The following FRMD4A variants were observed in gnomAD, a reference collection of about 807,000 sequenced individuals.
The protein encoded by FRMD4A is FERM domain containing 4A, also known as FERM domain-containing protein 4A.
FRMD4A carries 29 observed loss-of-function variants against 129.1 expected under a neutral mutation model. The ratio of observed to expected loss-of-function variants is 0.22; its 90% CI spans 0.17 to 0.31. The LOEUF (loss-of-function observed/expected upper bound fraction) is 0.31, where lower values mean the gene tolerates loss of function less well. Ranked by LOEUF, FRMD4A falls within the 10% of genes least tolerant of loss-of-function variation. The pLI, the probability that FRMD4A is intolerant of heterozygous loss-of-function variation, is 1.00. For missense variants in FRMD4A, 1,272 were observed against 1,375.8 expected, an observed-to-expected ratio of 0.92 and a Z score of 1.19; for synonymous variants, 634 against 571.6, an observed-to-expected ratio of 1.11 and a Z score of -1.56.
intron 14 of FRMD4A, 89 bp downstream of exon 14, chr10:13,701,251 A>T (rs2296598): frequency 0.21 from 256,028 of 1,231,064 alleles, 27,546 homozygotes; most frequent in Admixed American, 0.23. Flanking sequence ...GGCAAGGGAC[A>T]TGGCGCCTCC....
chr10:14,253,919 C>G (rs914552835), intron 2 of FRMD4A, among the ~76,000 whole-genome samples: 11 of 151,748 alleles, frequency 7.2e-5, no homozygotes, highest in Non-Finnish European at 1.5e-4. Context: ...AGCTTTCTCT[C>G]TCTCTCACAG....
In FRMD4A at chr10:14,018,434, C is replaced by T. The variant is rs558955312; in HGVS notation, c.46-159522G>A. On this transcript the variant is annotated intron_variant, in intron 2 of 24. Transcript: ENST00000357447. ...TCGTGCCACTGCACTCCAGCCTGGG[C>T]GACAATGCAAGACTCCATCTCAAAA... Among the ~76,000 whole-genome samples, 1,071 of 109,542 alleles carry T rather than the reference C, an allele frequency of 9.8e-3. 15 individuals carry two copies. Among genetic ancestry groups the T allele is most frequent in the African/African-American group, 0.037 (991 of 26,582 alleles). 71.9% of individuals were successfully genotyped at this position (109,542 alleles called of 152,430 possible). A position where few individuals can be genotyped will look rare whatever the true frequency, so the allele number is the denominator to read the frequency against.
chr10:14,158,428 C>T (rs530182937), intron 2 of FRMD4A, among the ~76,000 whole-genome samples: 1 of 152,152 alleles, frequency 6.6e-6, no homozygotes, highest in African/African-American at 2.4e-5. Context: ...TTGGGCAACA[C>T]AGCAAGACCC....
chr10:14,216,624 T>C (rs1188221983), intron 2 of FRMD4A, among the ~76,000 whole-genome samples: 2 of 152,146 alleles, frequency 1.3e-5, no homozygotes, highest in Non-Finnish European at 2.9e-5. Context: ...AGGATGCAAA[T>C]TGCCAGTCTT....
At chr10:14,127,175 CA>C (rs1838890519) in intron 2 of FRMD4A, among the ~76,000 whole-genome samples, 1 of 152,130 alleles carries the variant, frequency 6.6e-6, no homozygotes, top group African/African-American at 2.4e-5. Context: ...GAACTGAAAT[CA>C]GGGAGGAAAT....
chr10:14,174,284 GCTCTCTCTCCTCC>G (rs775419384), intron 2 of FRMD4A, among the ~76,000 whole-genome samples: 194 of 151,880 alleles, frequency 1.3e-3, no homozygotes, highest in Middle Eastern at 6.8e-3. Flanking sequence ...CCTCTCCCGC[GCTCTCTCTCCTCC>G]CTCTCTCTCC....
At chr10:13,761,786 C>T (rs2092084180) in intron 7 of FRMD4A, 117 bp from the exon 8 acceptor site, 1 of 672,120 alleles carries the variant, frequency 1.5e-6, no homozygotes, top group South Asian at 2.1e-5. Flanking sequence ...CAGCTTCCTG[C>T]AGTTATCATC....
At chr10:13,668,062 A>T (rs1006059028) in intron 17 of FRMD4A, 5 of 145,444 alleles carry the variant, frequency 3.4e-5, no homozygotes, top group African/African-American at 5.7e-5. Context: ...GATGCCATCA[A>T]GGAGAAGTTC....
At chr10:13,885,215 T>A (rs1027911008) in intron 2 of FRMD4A, among the ~76,000 whole-genome samples, 2 of 152,140 alleles carry the variant, frequency 1.3e-5, no homozygotes, top group Non-Finnish European at 2.9e-5. Context: ...CAAGATCCCA[T>A]CTCTCCAGAA....
chr10:14,325,646 C>T (rs369749250), intron 2 of FRMD4A, among the ~76,000 whole-genome samples: 16 of 152,246 alleles, frequency 1.1e-4, no homozygotes, highest in East Asian at 5.8e-4. Flanking sequence ...ACAGTTCCTG[C>T]GTATCTCCAA....
chr10:14,067,142 C>A (rs1835097984), intron 2 of FRMD4A, among the ~76,000 whole-genome samples: 1 of 150,010 alleles, frequency 6.7e-6, no homozygotes, highest in Non-Finnish European at 1.5e-5. Context: ...ATGGTGAAAC[C>A]CCGTCTCTAA....
chr10:13,744,278 C>T (rs771134573), intron 9 of FRMD4A, among the ~76,000 whole-genome samples: 1 of 152,094 alleles, frequency 6.6e-6, no homozygotes, highest in Non-Finnish European at 1.5e-5. Flanking sequence ...GAATCCAGGT[C>T]AGGGTCCTGA....
At chr10:14,185,736 C>A (rs1341330344) in intron 2 of FRMD4A, among the ~76,000 whole-genome samples, 1 of 152,144 alleles carries the variant, frequency 6.6e-6, no homozygotes, top group Non-Finnish European at 1.5e-5. Context: ...GAAGGGATGG[C>A]AACAGCAGTA....
intron 2 of FRMD4A, among the ~76,000 whole-genome samples, chr10:14,162,641 G>GTTTTTTTTTTTTTTTTTTTTTTTTT (rs71388160): frequency 1.7e-5 from 2 of 118,398 alleles, no homozygotes; most frequent in African/African-American, 7.0e-5. Flanking sequence ...TTTTTTTTTT[G>GTTTTTTTTTTTTTTTTTTTTTTTTT]TTTTTTTTTT....
chr10:13,726,146 C>T (rs560078208), intron 12 of FRMD4A, among the ~76,000 whole-genome samples: 9 of 152,094 alleles, frequency 5.9e-5, no homozygotes, highest in South Asian at 2.1e-4. Flanking sequence ...GTGTTGCACA[C>T]GCCCGTGGCT....
intron 12 of FRMD4A, among the ~76,000 whole-genome samples, chr10:13,714,667 A>G (rs1366497808): frequency 6.6e-6 from 1 of 152,170 alleles, no homozygotes; most frequent in African/African-American, 2.4e-5. Context: ...TATTCATGCT[A>G]CAGGAACCCA....
intron 12 of FRMD4A, 42 bp downstream of exon 12, chr10:13,737,802 G>T: frequency 9.4e-7 from 1 of 1,069,194 alleles, no homozygotes; most frequent in Non-Finnish European, 1.5e-6. Context: ...GTTCCTCTCT[G>T]GATCTGAGAG....
rs1334506423 is a variant in FRMD4A at position 14,184,323 on chromosome 10, T to TG, written c.45+145734dup. Among the ~76,000 whole-genome samples, 3 of 148,380 alleles carry TG rather than the reference T, an allele frequency of 2.0e-5. No individual in the cohort carries two copies. The Admixed American group carries it at 2.0e-4, about 10-fold the overall frequency. ...ATTTTTTTTTTTTTTTTAGTAGAGA[T>TG]GGGGTTTCACCATGTTGGCCAGGCT... On this transcript the variant is annotated intron_variant, in intron 2 of 24. Coordinates refer to ENST00000357447, the MANE Select transcript of FRMD4A (RefSeq NM_018027.5).
chr10:13,844,533 C>A (rs1321315188), intron 3 of FRMD4A, among the ~76,000 whole-genome samples: 5 of 152,038 alleles, frequency 3.3e-5, no homozygotes, highest in Admixed American at 2.6e-4. Flanking sequence ...AACATCCGGC[C>A]CACTTTATTG....
Sources: gnomAD v4.1 joint callset for allele counts (sites outside exome capture counted in the v4.1 genomes callset) on GRCh38, gnomAD v4.1.1 for gene constraint, MANE v1.5 for transcripts, NCBI Gene and HGNC (gene_info 2026-07-23, HGNC 2026-07-21) for gene names.